The following IFT140 variants were observed in gnomAD, a reference collection of about 807,000 sequenced individuals.
The protein encoded by IFT140 is intraflagellar transport protein 140 homolog.
A neutral mutation model predicts 164.6 loss-of-function variants in IFT140; 133 were observed. The ratio of observed to expected loss-of-function variants is 0.81; its 90% CI spans 0.70 to 0.93. The LOEUF (loss-of-function observed/expected upper bound fraction) is 0.93. Among genes scored for constraint, IFT140 ranks in the 40% least tolerant of loss-of-function variants. IFT140 has a pLI of 0.00. For synonymous variants in IFT140, 860 were observed against 817.3 expected (o/e 1.05, Z -0.89); for missense variants, 2,045 against 1,972.3 (o/e 1.04, Z -0.70).
chr16:1,600,571 CA>C (rs1372590883), intron 4 of IFT140, among the ~76,000 whole-genome samples: 6 of 151,714 alleles, frequency 4.0e-5, no homozygotes, highest in African/African-American at 1.5e-4. Context: ...TGTTAATCAA[CA>C]GGGGGCTGGT....
chr16:1,511,247 GT>G, intron 30 of IFT140, 97 bp from the exon 31 acceptor site: 2 of 1,191,192 alleles, frequency 1.7e-6, no homozygotes, highest in Non-Finnish European at 2.4e-6. Flanking sequence ...CTGGAGGCGG[GT>G]GGGGGTGCCT....
Position 1,584,225 on chromosome 16 carries a change from C to T in IFT140, c.1351G>A (p.Ala451Thr). 1 of 1,613,238 alleles carries T rather than the reference C, an allele frequency of 6.2e-7. No homozygotes were observed. The highest frequency in any genetic ancestry group is 8.5e-7 in the Non-Finnish European group (1 of 1,179,724). ...RTDMHISGVF[A>T]TKDAVAVWNG... ...GTCCCCTCGGCAGTCACCTTGGTGG[C>T]AAACACTCCACTGATGTGCATGTCG... is the stretch of plus-strand genomic sequence containing the variant. Residue 451 changes from alanine (A) to threonine (T), a missense_variant, in exon 11 of 31, where the codon GCC (alanine) becomes ACC (threonine). Transcript: ENST00000426508.
intron 13 of IFT140, among the ~76,000 whole-genome samples, chr16:1,574,241 C>A (rs940660099): frequency 2.6e-5 from 4 of 152,136 alleles, no homozygotes; most frequent in Admixed American, 2.6e-4. Flanking sequence ...GTTTTCTGGG[C>A]AGCTGCCTTT....
intron 13 of IFT140, among the ~76,000 whole-genome samples, chr16:1,572,056 T>C (rs149325430): frequency 6.6e-6 from 1 of 152,216 alleles, no homozygotes; most frequent in East Asian, 1.9e-4. Flanking sequence ...GCTAGTTACA[T>C]GCTGGCAATG....
intron 4 of IFT140, among the ~76,000 whole-genome samples, chr16:1,594,496 C>G (rs1329199582): frequency 1.3e-5 from 2 of 152,168 alleles, no homozygotes; most frequent in Non-Finnish European, 2.9e-5. Context: ...GCTAGGATTA[C>G]GGGTGTGAGC....
intron 19 of IFT140, among the ~76,000 whole-genome samples, chr16:1,544,885 T>G (rs1350270556): frequency 6.6e-6 from 1 of 152,158 alleles, no homozygotes; most frequent in Non-Finnish European, 1.5e-5. Flanking sequence ...CCTGACCTTG[T>G]GATCCGCCCG....
intron 29 of IFT140, among the ~76,000 whole-genome samples, chr16:1,519,314 C>T (rs971393061): frequency 3.9e-5 from 6 of 152,206 alleles, no homozygotes; most frequent in African/African-American, 1.4e-4. Context: ...AGGCGAGTGC[C>T]CACCGTGGTG....
intron 19 of IFT140, among the ~76,000 whole-genome samples, chr16:1,555,860 T>C (rs185304268): frequency 3.9e-4 from 60 of 152,204 alleles, no homozygotes; most frequent in Admixed American, 3.1e-3. Context: ...TCCCAGCACT[T>C]TGGGAGGCTG....
Position 1,517,706 on chromosome 16 carries a change from A to G in IFT140, c.4182+510T>C, listed in dbSNP as rs528480491. Among the ~76,000 whole-genome samples the G allele has an allele frequency of 2.0e-4, 30 of 152,354 alleles. No individual in the cohort carries two copies. The Middle Eastern group carries it at 0.014, about 69-fold the overall frequency. On this transcript the variant is annotated intron_variant, in intron 30 of 30. Transcript: ENST00000426508. ...TTCTTTTTTTGTGAAAATCCCTGAA[A>G]AAGAAATCGTGGTTATTCAGACTCG...
chr16:1,510,814 C>G lies in IFT140; in HGVS notation c.*130G>C. The G allele has an allele frequency of 1.1e-6, 1 of 889,520 alleles. No homozygotes were observed. The highest frequency in any genetic ancestry group is 1.8e-6 in the Non-Finnish European group (1 of 564,352). 55.1% of individuals were successfully genotyped at this position (889,520 alleles called of 1,614,324 possible). On this transcript the variant is annotated 3_prime_UTR_variant, in exon 31 of 31. Transcript: ENST00000426508. ...CCGGCCCGGGCCGCTGCGTTCTCGCCCAGCTCTGTCGCGTATTCCAACACA... is the reference window on the plus strand; with the variant it reads ...CCGGCCCGGGCCGCTGCGTTCTCGCGCAGCTCTGTCGCGTATTCCAACACA...
At chr16:1,524,411 G>A (rs2040612120) in intron 24 of IFT140, 141 bp downstream of exon 24, 3 of 1,144,218 alleles carry the variant, frequency 2.6e-6, no homozygotes, top group African/African-American at 3.1e-5. Context: ...GGGCGGGTGA[G>A]GCAGACGGGG....
At position 1,524,812 on chromosome 16, in the gene IFT140, A is replaced by G. The variant is rs1238608153; in HGVS notation, c.2969T>C (p.Ile990Thr). The change falls in exon 23 of 31, where the codon ATC becomes ACC. Residue 990 changes from isoleucine to threonine, a missense_variant. Physicochemically the swap from Ile to Thr is moderately conservative, Grantham distance 89. Coordinates refer to ENST00000426508, the MANE Select transcript of IFT140 (RefSeq NM_014714.4). ...CTGGACATTGCCCTGGAAGCAGTGG[A>G]TGCGGACCAGGGAGAAGTGGTCCCG... ...LARDHFSLVR[I>T]HCFQGNVQKA... 2 of 1,611,466 alleles carry G rather than the reference A, an allele frequency of 1.2e-6. No homozygotes were observed. Among genetic ancestry groups the G allele is most frequent in the Non-Finnish European group, 1.7e-6 (2 of 1,178,216 alleles).
At chr16:1,580,218 T>A (rs1159248209) in intron 13 of IFT140, 2 of 152,452 alleles carry the variant, frequency 1.3e-5, no homozygotes, top group Non-Finnish European at 2.9e-5. Flanking sequence ...AGCCACAGAT[T>A]AAACAGCTGT....
chr16:1,604,976 C>A (rs554468000), intron 3 of IFT140, among the ~76,000 whole-genome samples: 1 of 152,198 alleles, frequency 6.6e-6, no homozygotes, highest in East Asian at 1.9e-4. Context: ...TTTGTACAGT[C>A]TGAGGTCTCC....
At chr16:1,517,541 G>A (rs905602586) in intron 30 of IFT140, among the ~76,000 whole-genome samples, 2 of 152,154 alleles carry the variant, frequency 1.3e-5, no homozygotes, top group African/African-American at 4.8e-5. Context: ...GCTACAGTTC[G>A]AAAGAATGAT....
chr16:1,568,457 G>T lies in IFT140; in HGVS notation c.1653-123C>A, dbSNP rs1028202429. ...GCTCTTAGGCTGCTTCTCACCCTGGGTGGCGCGTGTGCACCATGAGGTGGG... is the reference window on the plus strand; with the variant it reads ...GCTCTTAGGCTGCTTCTCACCCTGGTTGGCGCGTGTGCACCATGAGGTGGG... On this transcript the variant is annotated intron_variant, in intron 14 of 30. Coordinates refer to ENST00000426508, the MANE Select transcript of IFT140 (RefSeq NM_014714.4). 1.4e-5 allele frequency: 11 copies of T among 758,818 alleles called. No individual in the cohort carries two copies. The African/African-American group carries it at 1.7e-4, about 12-fold the overall frequency. 47.0% of individuals were successfully genotyped at this position (758,818 alleles called of 1,614,324 possible). A position where few individuals can be genotyped will look rare whatever the true frequency, so the allele number is the denominator to read the frequency against.
chr16:1,611,235 CGGGGCTCGCGCTTGGGCTTCCAGCTCTTG>C (rs1001918539), intron 1 of IFT140, among the ~76,000 whole-genome samples: 1 of 152,182 alleles, frequency 6.6e-6, no homozygotes, highest in Non-Finnish European at 1.5e-5. Flanking sequence ...CGGCCGGACG[CGGGGCTCGCGCTTGGGCTTCCAGCTCTTG>C]GGGGCTGGGG....
chr16:1,544,957 G>T (rs1403401209), intron 19 of IFT140, among the ~76,000 whole-genome samples: 1 of 152,204 alleles, frequency 6.6e-6, no homozygotes, highest in South Asian at 2.1e-4. Flanking sequence ...CCAGATCACT[G>T]CATTTCTTAA....
At chr16:1,594,741 C>T (rs1196228608) in intron 4 of IFT140, among the ~76,000 whole-genome samples, 10 of 152,172 alleles carry the variant, frequency 6.6e-5, no homozygotes, top group Admixed American at 2.0e-4. Context: ...CCTCCCGGGA[C>T]GAGGGGATGC....
Sources: gnomAD v4.1 joint callset for allele counts (sites outside exome capture counted in the v4.1 genomes callset) on GRCh38, gnomAD v4.1.1 for gene constraint, MANE v1.5 for transcripts, NCBI Gene and HGNC (gene_info 2026-07-23, HGNC 2026-07-21) for gene names.